PTPRR: variants seen among roughly 807,000 people sequenced by gnomAD.
PTPRR encodes receptor-type tyrosine-protein phosphatase R.
A neutral mutation model predicts 77.2 loss-of-function variants in PTPRR; 38 were observed. The observed-to-expected ratio is 0.49, with a 90% CI of 0.38 to 0.65. The LOEUF (loss-of-function observed/expected upper bound fraction) is 0.65, where lower values mean the gene tolerates loss of function less well. Among genes scored for constraint, PTPRR ranks in the 30% least tolerant of loss-of-function variants. The probability of loss-of-function intolerance (pLI) is 0.00; values close to 1 mark genes in which losing one functional copy is unlikely to be tolerated. For synonymous variants in PTPRR, 299 were observed against 283.1 expected (o/e 1.06, Z -0.57); for missense variants, 744 against 799.2 (o/e 0.93, Z 0.83).
intron 8 of PTPRR, among the ~76,000 whole-genome samples, chr12:70,689,525 G>A (rs2136750065): frequency 6.6e-6 from 1 of 152,190 alleles, no homozygotes; most frequent in South Asian, 2.1e-4. Flanking sequence ...AACACCTGTG[G>A]AGCTGAATTT....
chr12:70,789,938 AAT>A (rs1453139235), intron 2 of PTPRR, among the ~76,000 whole-genome samples: 1 of 152,174 alleles, frequency 6.6e-6, no homozygotes, highest in East Asian at 1.9e-4. Flanking sequence ...AGTAGGCACA[AAT>A]ATTTTCTTTG....
chr12:70,731,881 G>A (rs1013800048), intron 6 of PTPRR, among the ~76,000 whole-genome samples: 27 of 152,230 alleles, frequency 1.8e-4, no homozygotes, highest in African/African-American at 6.5e-4. Flanking sequence ...ACACACACAT[G>A]TGTGAGTTCT....
Position 70,892,988 on chromosome 12 carries a change from G to C in PTPRR, c.59-11C>G, listed in dbSNP as rs781456954. The C allele has an allele frequency of 2.5e-6, 4 of 1,610,242 alleles. No homozygotes were observed. In the South Asian group the frequency reaches 4.4e-5, roughly 18 times the overall value. ...TTCCTGAAAAGCACCCTGAAAGAGG[G>C]AAGAAGCAGAAACAATATCAAAGAC... On this transcript the variant is annotated splice_polypyrimidine_tract_variant and intron_variant, in intron 1 of 13. Transcript: ENST00000283228.
In PTPRR at chr12:70,667,199, T is replaced by C. The variant is rs921612676; in HGVS notation, c.1498-4594A>G. On this transcript the variant is annotated intron_variant, in intron 10 of 13. Transcript: ENST00000283228. ...TCTCGATCTCCTGACGTCGTGATCC[T>C]CCTGCCTTGGCCTCCCAAAGTGCTA... Among the ~76,000 whole-genome samples, 69 of 152,030 alleles carry C rather than the reference T, an allele frequency of 4.5e-4. 1 individual carries two copies. The highest frequency in any genetic ancestry group is 2.4e-4 in the Non-Finnish European group (16 of 67,974).
intron 10 of PTPRR, among the ~76,000 whole-genome samples, chr12:70,674,472 A>C (rs1887367499): frequency 6.6e-6 from 1 of 152,178 alleles, no homozygotes; most frequent in Admixed American, 6.5e-5. Context: ...GGTAATTTAC[A>C]GTTATATTAT....
chr12:70,788,891 T>TAG, intron 2 of PTPRR: 1 of 1,502,960 alleles, frequency 6.7e-7, no homozygotes, highest in Non-Finnish European at 8.8e-7. Context: ...TTCCTTACCA[T>TAG]AGCAAGCAGG....
At chr12:70,819,707 TC>T (rs1227814050) in intron 2 of PTPRR, among the ~76,000 whole-genome samples, 8 of 152,320 alleles carry the variant, frequency 5.3e-5, no homozygotes, top group African/African-American at 1.2e-4. Flanking sequence ...TTGGGTGGAA[TC>T]CTGGAAGGAA....
chr12:70,882,562 A>G, intron 2 of PTPRR, among the ~76,000 whole-genome samples: 1 of 152,348 alleles, frequency 6.6e-6, no homozygotes, highest in Non-Finnish European at 1.5e-5. Context: ...ACATTTATTT[A>G]TAAAAACTTT....
intron 2 of PTPRR, among the ~76,000 whole-genome samples, chr12:70,773,970 C>A (rs1383403877): frequency 6.6e-6 from 1 of 152,310 alleles, no homozygotes; most frequent in East Asian, 1.9e-4. Flanking sequence ...ACAATATACG[C>A]ATCTACCTGG....
rs547695870 is a variant in PTPRR at position 70,790,967 on chromosome 12, C to G, written c.358-26189G>C. ...CATTACCTATCAACAATATTCAGAA[C>G]AAGACCACTTCTACCACCTCCACAT... On this transcript the variant is annotated intron_variant, in intron 2 of 13. Transcript: ENST00000283228. Among the ~76,000 whole-genome samples the G allele has an allele frequency of 8.5e-4, 130 of 152,274 alleles. 1 individual carries two copies. The highest frequency in any genetic ancestry group is 1.5e-3 in the Non-Finnish European group (99 of 68,012).
chr12:70,877,994 T>A (rs577236000), intron 2 of PTPRR, among the ~76,000 whole-genome samples: 90 of 152,184 alleles, frequency 5.9e-4, no homozygotes, highest in African/African-American at 2.1e-3. Context: ...AAACAAGCAA[T>A]GGGGAAAGGA....
intron 2 of PTPRR, among the ~76,000 whole-genome samples, chr12:70,778,554 T>C (rs1423160840): frequency 6.6e-6 from 1 of 152,226 alleles, no homozygotes; most frequent in East Asian, 1.9e-4. Flanking sequence ...CAGCACATTA[T>C]TTTATGTGCT....
chr12:70,850,526 A>G, intron 2 of PTPRR, among the ~76,000 whole-genome samples: 1 of 152,178 alleles, frequency 6.6e-6, no homozygotes, highest in East Asian at 1.9e-4. Context: ...CTATATCTAA[A>G]TCACAAATAA....
intron 10 of PTPRR, among the ~76,000 whole-genome samples, chr12:70,677,005 G>A (rs1112757): frequency 0.021 from 3,172 of 152,014 alleles, 60 homozygotes; most frequent in Admixed American, 0.038. Flanking sequence ...ATTGTTTAGC[G>A]TAGTATGGAC....
At chr12:70,880,427 C>T (rs1214151813) in intron 2 of PTPRR, among the ~76,000 whole-genome samples, 1 of 152,160 alleles carries the variant, frequency 6.6e-6, no homozygotes, top group Non-Finnish European at 1.5e-5. Context: ...CTCAAAGTAT[C>T]TCTGAATATC....
intron 2 of PTPRR, among the ~76,000 whole-genome samples, chr12:70,836,397 T>C (rs1262520294): frequency 6.6e-6 from 1 of 151,956 alleles, no homozygotes; most frequent in Non-Finnish European, 1.5e-5. Flanking sequence ...ATGCATACAT[T>C]ACACCTTCTA....
chr12:70,837,168 A>G (rs962933163), intron 2 of PTPRR, among the ~76,000 whole-genome samples: 26 of 152,046 alleles, frequency 1.7e-4, no homozygotes, highest in African/African-American at 5.1e-4. Context: ...ATAGAAACCC[A>G]AGATACTGTA....
chr12:70,776,906 A>G (rs1891100517), intron 2 of PTPRR, among the ~76,000 whole-genome samples: 1 of 152,114 alleles, frequency 6.6e-6, no homozygotes. Context: ...ACAAAATTTA[A>G]GGTACAGATG....
chr12:70,858,140 T>TC (rs2137075896), intron 2 of PTPRR, among the ~76,000 whole-genome samples: 1 of 151,962 alleles, frequency 6.6e-6, no homozygotes, highest in Admixed American at 6.6e-5. Flanking sequence ...TGGTTCCTCA[T>TC]CAGTCTGGCT....
Sources: gnomAD v4.1 joint callset for allele counts (sites outside exome capture counted in the v4.1 genomes callset) on GRCh38, gnomAD v4.1.1 for gene constraint, MANE v1.5 for transcripts, NCBI Gene and HGNC (gene_info 2026-07-23, HGNC 2026-07-21) for gene names.